Variants in TNFAIP8 observed in about 807,000 individuals in gnomAD.
TNFAIP8 encodes tumor necrosis factor alpha-induced protein 8.
A neutral mutation model predicts 13.3 loss-of-function variants in TNFAIP8; 7 were observed. That is an observed-to-expected ratio of 0.52 (90% CI 0.30 to 0.99). The LOEUF is 0.99. TNFAIP8 is among the 50% of genes least tolerant of loss of function. The pLI, the probability that TNFAIP8 is intolerant of heterozygous loss-of-function variation, is 0.07. For missense variants in TNFAIP8, 258 were observed against 236.9 expected (o/e 1.09, Z -0.58); for synonymous variants, 94 against 87.6 (o/e 1.07, Z -0.41).
In TNFAIP8 at chr5:119,392,859, A is replaced by T. The variant is rs1188277494; in HGVS notation, c.75A>T (p.Ala25=). 1 of 1,561,542 alleles carries T rather than the reference A, an allele frequency of 6.4e-7. No homozygotes were observed. Among genetic ancestry groups the T allele is most frequent in the Non-Finnish European group, 8.7e-7 (1 of 1,153,280 alleles). ...VFNSKNLAVQ[A]QKKILGKMVS... is the part of the protein sequence containing the mutation. ...ATTCCAAAAACCTGGCCGTTCAGGC[A>T]CAAAAGAAGATCTTGGGTAAAATGG... The change falls in exon 2 of 2, where the codon GCA becomes GCT. Residue 25 remains alanine, a synonymous_variant. Transcript: ENST00000504771.
intron 1 of TNFAIP8, among the ~76,000 whole-genome samples, chr5:119,285,391 C>T (rs1748749260): frequency 6.6e-6 from 1 of 152,126 alleles, no homozygotes; most frequent in Non-Finnish European, 1.5e-5. Context: ...GGGTAGTATC[C>T]TGGGTCCCTG....
intron 1 of TNFAIP8, among the ~76,000 whole-genome samples, chr5:119,388,836 G>A (rs1752782564): frequency 6.6e-6 from 1 of 151,208 alleles, no homozygotes; most frequent in Non-Finnish European, 1.5e-5. Flanking sequence ...TAGAGACAGG[G>A]TCTTGCTATG....
intron 1 of TNFAIP8, among the ~76,000 whole-genome samples, chr5:119,271,326 T>G (rs568677925): frequency 6.6e-6 from 1 of 152,202 alleles, no homozygotes; most frequent in African/African-American, 2.4e-5. Flanking sequence ...ATCTTTAAAG[T>G]TGAGTCTGCC....
intron 1 of TNFAIP8, among the ~76,000 whole-genome samples, chr5:119,381,370 G>T (rs1178833827): frequency 6.6e-6 from 1 of 151,954 alleles, no homozygotes; most frequent in East Asian, 1.9e-4. Context: ...TTGAAACCCT[G>T]TCTCTACCCA....
chr5:119,341,976 C>G (rs1272898427), intron 1 of TNFAIP8, among the ~76,000 whole-genome samples: 1 of 143,218 alleles, frequency 7.0e-6, no homozygotes, highest in Non-Finnish European at 1.5e-5. Flanking sequence ...TCATTCTTCT[C>G]CCTACCCTTG....
In TNFAIP8 at chr5:119,322,503, G is replaced by A. The variant is rs532871353; in HGVS notation, c.1+53596G>A. ...CCAATAACTCCAGAAATACACAGGC[G>A]TGGAGAAGTTGAGCAGCCTCTGGCA... On this transcript the variant is annotated intron_variant, in intron 1 of 1. Transcript: ENST00000274456. 2.0e-4 allele frequency among the ~76,000 whole-genome samples: 31 copies of A among 152,302 alleles called. No homozygotes were observed. In the South Asian group the frequency reaches 2.5e-3, roughly 12 times the overall value.
chr5:119,392,821 A>G lies in TNFAIP8; in HGVS notation c.37A>G (p.Thr13Ala). Residue 13 changes from threonine to alanine, a missense_variant, in exon 2 of 2, where the codon ACA (threonine) becomes GCA (alanine). Transcript: ENST00000504771. Reference protein sequence around the residue: ...SEAEESKEVATDVFNSKNLAV... With the variant: ...SEAEESKEVAADVFNSKNLAV... ...CTCTCTTTTTTTTTTTTTAGTGGCC[A>G]CAGATGTCTTTAATTCCAAAAACCT... 2.0e-6 allele frequency: 3 copies of G among 1,532,896 alleles called. No homozygotes were observed. The highest frequency in any genetic ancestry group is 2.6e-6 in the Non-Finnish European group (3 of 1,139,464). The allele number at this position is 1,532,896 out of a possible 1,614,324, so 95.0% of individuals were successfully genotyped here.
chr5:119,336,644 C>G (rs1355392839), intron 1 of TNFAIP8, among the ~76,000 whole-genome samples: 1 of 152,134 alleles, frequency 6.6e-6, no homozygotes, highest in African/African-American at 2.4e-5. Flanking sequence ...AGCACAAGAA[C>G]CTACAGTCTC....
At position 119,311,688 on chromosome 5, in the gene TNFAIP8, C is replaced by CAAAAAAAAAAAAAAAAAA. The variant is rs55965350; in HGVS notation, c.1+42785_1+42802dup. Among the ~76,000 whole-genome samples the CAAAAAAAAAAAAAAAAAA allele has an allele frequency of 1.5e-3, 98 of 66,656 alleles. 10 individuals are homozygous for CAAAAAAAAAAAAAAAAAA. Among genetic ancestry groups the CAAAAAAAAAAAAAAAAAA allele is most frequent in the African/African-American group, 6.2e-3 (95 of 15,422 alleles). 43.7% of individuals were successfully genotyped at this position (66,656 alleles called of 152,430 possible). Reference sequence around the variant, plus strand: ...TGGGTGACAGAGTGAGACTCCGTCTCAAAAAAAAAAAAAAAAAAAAATCAG... The same window carrying CAAAAAAAAAAAAAAAAAA: ...TGGGTGACAGAGTGAGACTCCGTCTCAAAAAAAAAAAAAAAAAAAAAAAAAAAAAAAAAAAAAAATCAG... On this transcript the variant is annotated intron_variant, in intron 1 of 1. Transcript: ENST00000274456.
chr5:119,348,736 C>T (rs577801080), intron 1 of TNFAIP8, among the ~76,000 whole-genome samples: 6 of 152,032 alleles, frequency 3.9e-5, no homozygotes, highest in African/African-American at 1.4e-4. Context: ...CAAAATTAGC[C>T]AGGCAGGGTG....
At chr5:119,301,284 C>T (rs1010136105) in intron 1 of TNFAIP8, among the ~76,000 whole-genome samples, 2 of 152,168 alleles carry the variant, frequency 1.3e-5, no homozygotes, top group African/African-American at 4.8e-5. Flanking sequence ...GCACTCTATG[C>T]TTATGCCATC....
intron 1 of TNFAIP8, among the ~76,000 whole-genome samples, chr5:119,340,940 C>T (rs917596639): frequency 2.6e-5 from 4 of 152,138 alleles, no homozygotes; most frequent in Non-Finnish European, 5.9e-5. Flanking sequence ...TGTTCTGGGA[C>T]ATCCAGATGT....
chr5:119,294,027 A>G (rs1749080294), intron 1 of TNFAIP8, among the ~76,000 whole-genome samples: 1 of 151,924 alleles, frequency 6.6e-6, no homozygotes, highest in Admixed American at 6.6e-5. Context: ...GCTCTTCCCA[A>G]TACCTTCTTT....
In TNFAIP8 at chr5:119,310,429, A is replaced by G. The variant is rs77990456; in HGVS notation, c.1+41522A>G. The stretch of plus-strand genomic sequence containing the variant: ...TGTAGGCCAAGGCAGCGCCCACTGG[A>G]GGACTACAGGGCACCTCTCACGGTA... On this transcript the variant is annotated intron_variant, in intron 1 of 1. Coordinates refer to the TNFAIP8 transcript ENST00000274456. Among the ~76,000 whole-genome samples the G allele has an allele frequency of 3.8e-3, 578 of 151,612 alleles. 24 individuals are homozygous for G. The East Asian group carries it at 0.1, about 27-fold the overall frequency.
intron 1 of TNFAIP8, among the ~76,000 whole-genome samples, chr5:119,294,484 C>G (rs953568102): frequency 2.0e-4 from 31 of 152,030 alleles, no homozygotes; most frequent in Non-Finnish European, 2.8e-4. Context: ...CTTTGCTATT[C>G]TGAATAGTGC....
exon 1 of TNFAIP8, chr5:119,268,861 C>G (rs953935833): frequency 1.4e-6 from 1 of 703,678 alleles, no homozygotes; most frequent in Middle Eastern, 2.4e-4. Flanking sequence ...CGCCAAACAG[C>G]CCAGCTCGCG....
Position 119,397,573 on chromosome 5 carries a change from G to A in TNFAIP8, c.*4192G>A, listed in dbSNP as rs1753104210. 6.6e-6 allele frequency: 1 copy of A among 152,164 alleles called. No individual in the cohort carries two copies. 9.4% of individuals were successfully genotyped at this position (152,164 alleles called of 1,614,324 possible). A position where few individuals can be genotyped will look rare whatever the true frequency, so the allele number is the denominator to read the frequency against. ...CTCATAGCAGGTTTTAGTACACAGT[G>A]CTGTTTATGACAGAAAAAATTTTAT... On this transcript the variant is annotated 3_prime_UTR_variant, in exon 2 of 2. Transcript: ENST00000504771.
At chr5:119,320,269 A>G (rs962809173) in intron 1 of TNFAIP8, among the ~76,000 whole-genome samples, 8 of 152,188 alleles carry the variant, frequency 5.3e-5, no homozygotes, top group African/African-American at 1.9e-4. Context: ...GGGTCCCTAA[A>G]GGCTTTTTCT....
At chr5:119,285,318 T>G (rs897301294) in intron 1 of TNFAIP8, among the ~76,000 whole-genome samples, 1 of 152,220 alleles carries the variant, frequency 6.6e-6, no homozygotes, top group African/African-American at 2.4e-5. Flanking sequence ...TTGTCACATG[T>G]ACTTTTCATT....
Sources: allele counts gnomAD v4.1 joint callset (sites outside exome capture counted in the v4.1 genomes callset), GRCh38; gene constraint gnomAD v4.1.1; transcripts MANE v1.5; gene names NCBI Gene and HGNC (gene_info 2026-07-23, HGNC 2026-07-21).